BICC1: variants seen among roughly 807,000 people sequenced by gnomAD.
BICC1 encodes protein bicaudal C homolog 1.
BICC1 carries 43 observed loss-of-function variants against 111.0 expected under a neutral mutation model. That is an observed-to-expected ratio of 0.39 (90% confidence interval 0.30 to 0.50). The LOEUF (loss-of-function observed/expected upper bound fraction) is 0.50. Ranked by LOEUF, BICC1 falls within the 20% of genes least tolerant of loss-of-function variation. The pLI is 0.88. For missense variants in BICC1, 1,091 were observed against 1,203.2 expected, an observed-to-expected ratio of 0.91 and a Z score of 1.38; for synonymous variants, 467 against 434.4, an observed-to-expected ratio of 1.07 and a Z score of -0.93.
chr10:58,526,698 G>T (rs548734071), intron 1 of BICC1, among the ~76,000 whole-genome samples: 2 of 152,254 alleles, frequency 1.3e-5, no homozygotes, highest in East Asian at 3.9e-4. Context: ...CTGTCCTTGC[G>T]ATAGTTTGCT....
Position 58,716,174 on chromosome 10 carries a change from A to C in BICC1, c.307+14031A>C, listed in dbSNP as rs536927134. 6.7e-6 allele frequency: 10 copies of C among 1,502,410 alleles called. No homozygotes were observed. The South Asian group carries it at 1.2e-4, about 18-fold the overall frequency. The allele number at this position is 1,502,410 out of a possible 1,614,324, so 93.1% of individuals were successfully genotyped here. A position where few individuals can be genotyped will look rare whatever the true frequency, so the allele number is the denominator to read the frequency against. ...TATATTGAGGAGGTGCGAGCAAAAA[A>C]GAAGAAAAGCAGTGAAGAACGAGAA... On this transcript the variant is annotated intron_variant, in intron 3 of 20. Transcript: ENST00000373886.
intron 2 of BICC1, among the ~76,000 whole-genome samples, chr10:58,682,027 C>T (rs1839542404): frequency 1.6e-5 from 2 of 128,008 alleles, no homozygotes; most frequent in East Asian, 2.8e-4. Context: ...CTCCCCCCAC[C>T]CCATGACAGG....
chr10:58,693,079 C>G (rs1839960221), intron 2 of BICC1, among the ~76,000 whole-genome samples: 1 of 152,110 alleles, frequency 6.6e-6, no homozygotes, highest in Middle Eastern at 3.4e-3. Flanking sequence ...TCTCATTGTT[C>G]AATTCCCACC....
At chr10:58,659,926 A>C (rs1232314413) in intron 2 of BICC1, among the ~76,000 whole-genome samples, 2 of 152,324 alleles carry the variant, frequency 1.3e-5, no homozygotes, top group East Asian at 3.9e-4. Flanking sequence ...CTGTGCTGAC[A>C]TGTAGTATTA....
At chr10:58,798,949 T>A in intron 11 of BICC1, 107 bp from the exon 12 acceptor site, 1 of 874,868 alleles carries the variant, frequency 1.1e-6, no homozygotes, top group Non-Finnish European at 1.7e-6. Context: ...AAAATTGAAT[T>A]CTTTTCTGAA....
At chr10:58,713,595 C>T (rs1840645534) in intron 3 of BICC1, among the ~76,000 whole-genome samples, 3 of 152,150 alleles carry the variant, frequency 2.0e-5, no homozygotes, top group South Asian at 2.1e-4. Flanking sequence ...ATTCAAGACA[C>T]GGTAATCTGT....
chr10:58,515,768 G>T lies in BICC1; in HGVS notation c.190+2435G>T, dbSNP rs541332479. On this transcript the variant is annotated intron_variant, in intron 1 of 20. Coordinates refer to ENST00000373886, the MANE Select transcript of BICC1 (RefSeq NM_001080512.3). ...TGGAGCTGATACTAGGACCTTTTAG[G>T]TTTTGGGAGAATCGAAAGAGATAAT... 4.7e-3 allele frequency among the ~76,000 whole-genome samples: 713 copies of T among 152,214 alleles called. 3 individuals carry two copies. Among genetic ancestry groups the T allele is most frequent in the African/African-American group, 0.015 (613 of 41,526 alleles).
At chr10:58,571,927 G>A (rs917632995) in intron 1 of BICC1, among the ~76,000 whole-genome samples, 3 of 152,158 alleles carry the variant, frequency 2.0e-5, no homozygotes, top group Admixed American at 6.6e-5. Flanking sequence ...TTCCACAATG[G>A]TTGAACTAAT....
chr10:58,524,210 C>G (rs1235151311), intron 1 of BICC1, among the ~76,000 whole-genome samples: 1 of 152,120 alleles, frequency 6.6e-6, no homozygotes, highest in African/African-American at 2.4e-5. Flanking sequence ...CTTTAAAGTT[C>G]ATATGGAACC....
chr10:58,775,449 A>G (rs1347083432), intron 3 of BICC1, among the ~76,000 whole-genome samples: 1 of 152,214 alleles, frequency 6.6e-6, no homozygotes, highest in African/African-American at 2.4e-5. Context: ...GCCTTTGAAT[A>G]AGTGCTTGAT....
rs564249990 is a variant in BICC1 at position 58,812,083 on chromosome 10, G to C, written c.2377-1747G>C. Among the ~76,000 whole-genome samples, 12 of 152,308 alleles carry C rather than the reference G, an allele frequency of 7.9e-5. 1 individual carries two copies. In the East Asian group the frequency reaches 1.2e-3, roughly 15 times the overall value. ...TTTTAATTTGCATTTTAAGAAATCA[G>C]TCTTGTTGCTTCATGGAAAATGGAT... On this transcript the variant is annotated intron_variant, in intron 17 of 20. Transcript: ENST00000373886.
chr10:58,769,186 A>C (rs890176814), intron 3 of BICC1, among the ~76,000 whole-genome samples: 2 of 151,786 alleles, frequency 1.3e-5, no homozygotes, highest in Non-Finnish European at 1.5e-5. Flanking sequence ...TTCATTTATA[A>C]GATGAATAAA....
intron 1 of BICC1, among the ~76,000 whole-genome samples, chr10:58,609,825 T>C (rs1361057905): frequency 1.3e-5 from 2 of 152,184 alleles, no homozygotes; most frequent in African/African-American, 4.8e-5. Context: ...CTATGAACAT[T>C]GTTTAAATTT....
At chr10:58,526,865 G>T (rs1260563631) in intron 1 of BICC1, among the ~76,000 whole-genome samples, 1 of 152,128 alleles carries the variant, frequency 6.6e-6, no homozygotes, top group Admixed American at 6.5e-5. Context: ...CTTTGCTATT[G>T]TGAATAGTGC....
At chr10:58,802,408 T>C (rs957246648) in intron 14 of BICC1, among the ~76,000 whole-genome samples, 8 of 152,230 alleles carry the variant, frequency 5.3e-5, no homozygotes, top group Admixed American at 2.0e-4. Context: ...TTGATTGATA[T>C]TGCAATCCCT....
At chr10:58,798,609 C>T in intron 11 of BICC1, 49 bp downstream of exon 11, 1 of 1,413,438 alleles carries the variant, frequency 7.1e-7, no homozygotes. Flanking sequence ...TAGGTGTTAC[C>T]AGTTTTTTAA....
chr10:58,812,421 CAGGAAA>C (rs1843937991), intron 17 of BICC1, among the ~76,000 whole-genome samples: 1 of 151,810 alleles, frequency 6.6e-6, no homozygotes, highest in African/African-American at 2.4e-5. Flanking sequence ...GCCTATCGGA[CAGGAAA>C]ATGGCAGTGT....
intron 2 of BICC1, among the ~76,000 whole-genome samples, chr10:58,635,537 A>G (rs2132190165): frequency 6.6e-6 from 1 of 152,346 alleles, no homozygotes. Flanking sequence ...GAAGGGTGAG[A>G]GTGTAAATTA....
At chr10:58,520,926 A>T (rs1842371010) in intron 1 of BICC1, among the ~76,000 whole-genome samples, 2 of 152,072 alleles carry the variant, frequency 1.3e-5, no homozygotes, top group African/African-American at 4.8e-5. Context: ...TGTCAGGTGC[A>T]GTGTTGAGCT....
Sources: gnomAD v4.1 joint callset for allele counts (sites outside exome capture counted in the v4.1 genomes callset) on GRCh38, gnomAD v4.1.1 for gene constraint, MANE v1.5 for transcripts, NCBI Gene and HGNC (gene_info 2026-07-23, HGNC 2026-07-21) for gene names.